TRIM56: variants seen among roughly 807,000 people sequenced by gnomAD.
TRIM56 encodes the protein tripartite motif containing 56.
A neutral mutation model predicts 17.1 loss-of-function variants in TRIM56; 10 were observed. The observed-to-expected ratio is 0.58, with a 90% confidence interval of 0.36 to 0.99. TRIM56 has a LOEUF of 0.99. Among genes scored for constraint, TRIM56 ranks in the 50% least tolerant of loss-of-function variants. TRIM56 has a pLI of 0.01. For missense variants in TRIM56, 923 were observed against 1,052.3 expected (o/e 0.88, Z 1.70); for synonymous variants, 503 against 473.5 (o/e 1.06, Z -0.81).
rs1562840299 is a variant in TRIM56 at position 101,091,872 on chromosome 7, C to T, written c.*2292C>T. The T allele has an allele frequency of 1.5e-5, 5 of 341,010 alleles. No individual in the cohort carries two copies. Among genetic ancestry groups the T allele is most frequent in the South Asian group, 1.1e-4 (5 of 47,082 alleles). The allele number at this position is 341,010 out of a possible 1,614,324, so 21.1% of individuals were successfully genotyped here. Reference sequence around the variant, plus strand: ...GGACTGTACTGCTGCCATCTCGGCTCACTGCAACCTCCCTGCCTGATTCTC... The same window carrying T: ...GGACTGTACTGCTGCCATCTCGGCTTACTGCAACCTCCCTGCCTGATTCTC... On this transcript the variant is annotated 3_prime_UTR_variant, in exon 3 of 3. Transcript: ENST00000306085.
At position 101,088,495 on chromosome 7, in the gene TRIM56, C is replaced by T. The variant is rs80324038; in HGVS notation, c.1183C>T (p.Arg395Trp). 5,030 of 1,613,768 alleles carry T rather than the reference C, an allele frequency of 3.1e-3. 248 individuals carry two copies. The East Asian group carries it at 0.1, about 32-fold the overall frequency. ...GTQGGEESQS[R>W]REDEPKTERQ... is the part of the protein sequence containing the mutation. ...CCAGGGAGGTGAGGAGAGCCAGAGC[C>T]GGAGGGAGGATGAGCCGAAGACTGA... Residue 395 changes from arginine to tryptophan, a missense_variant, in exon 3 of 3, where the codon CGG becomes TGG. By Grantham distance (101) the Arg-to-Trp change is moderately radical. Coordinates refer to ENST00000306085, the MANE Select transcript of TRIM56 (RefSeq NM_030961.3).
Position 101,087,180 on chromosome 7 carries a change from G to T in TRIM56, c.-2+12G>T. ...TCCTGGCCATTCAGGTGAGACCTCA[G>T]GTTCCTTCCCGGCCATTTGGGTCAG... On this transcript the variant is annotated intron_variant, in intron 2 of 2. Coordinates refer to ENST00000306085, the MANE Select transcript of TRIM56 (RefSeq NM_030961.3). The T allele has an allele frequency of 1.2e-6, 1 of 834,228 alleles. No homozygotes were observed. Among genetic ancestry groups the T allele is most frequent in the Non-Finnish European group, 1.9e-6 (1 of 525,696 alleles). The allele number at this position is 834,228 out of a possible 1,614,324, so 51.7% of individuals were successfully genotyped here. A position where few individuals can be genotyped will look rare whatever the true frequency, so the allele number is the denominator to read the frequency against.
chr7:101,089,472 C>A lies in TRIM56; in HGVS notation c.2160C>A (p.His720Gln), dbSNP rs560489358. 1 of 1,614,260 alleles carries A rather than the reference C, an allele frequency of 6.2e-7. No individual in the cohort carries two copies. Among genetic ancestry groups the A allele is most frequent in the Non-Finnish European group, 8.5e-7 (1 of 1,180,050 alleles). ...SLLGDFLTAY[H>Q]GLEKPRVTTM... ...TTGGAGACTTCCTGACAGCCTACCA[C>A]GGCCTGGAAAAGCCCCGGGTTACCA... Residue 720 changes from histidine (H) to glutamine (Q), a missense_variant, in exon 3 of 3, where the codon CAC (histidine) becomes CAA (glutamine). By Grantham distance (24) the His-to-Gln change is conservative. Transcript: ENST00000306085.
chr7:101,092,557 G>C lies in TRIM56; in HGVS notation c.*2977G>C, dbSNP rs1015287783. Reference sequence around the variant, plus strand: ...TGAGGAGCCCCTCCGCCCGGCAGCCGCCCCGTCCGGGAGGGAGGTGGGGGG... The same window carrying C: ...TGAGGAGCCCCTCCGCCCGGCAGCCCCCCCGTCCGGGAGGGAGGTGGGGGG... On this transcript the variant is annotated 3_prime_UTR_variant, in exon 3 of 3. Transcript: ENST00000306085. 1.3e-5 allele frequency: 2 copies of C among 158,614 alleles called. No individual in the cohort carries two copies. Among genetic ancestry groups the C allele is most frequent in the Non-Finnish European group, 2.7e-5 (2 of 74,040 alleles). 9.8% of individuals were successfully genotyped at this position (158,614 alleles called of 1,614,324 possible). A position where few individuals can be genotyped will look rare whatever the true frequency, so the allele number is the denominator to read the frequency against.
In TRIM56 at chr7:101,087,169, G is replaced by C. The variant is rs1014386659; in HGVS notation, c.-2+1G>C. The C allele has an allele frequency of 5.2e-6, 4 of 767,176 alleles. No individual in the cohort carries two copies. In the African/African-American group the frequency reaches 6.9e-5, roughly 13 times the overall value. 47.5% of individuals were successfully genotyped at this position (767,176 alleles called of 1,614,324 possible). On this transcript the variant is annotated splice_donor_variant, in intron 2 of 2. Transcript: ENST00000306085. LOFTEE classifies it low-confidence loss of function (5UTR_SPLICE). ...TAGAAGGAAGTTCCTGGCCATTCAG[G>C]TGAGACCTCAGGTTCCTTCCCGGCC...
chr7:101,087,528 C>G lies in TRIM56; in HGVS notation c.216C>G (p.Ser72=). ...CTGTGCCGCCCGAGGGTGTGGCCTC[C>G]TTCAAGACCAACTTCTTCGTCAATG... ...TVPVPPEGVA[S]FKTNFFVNGL... is the part of the protein sequence containing the mutation. Residue 72 remains serine (S), a synonymous_variant, in exon 3 of 3, where the codon TCC becomes TCG. Transcript: ENST00000306085. 6.2e-7 allele frequency: 1 copy of G among 1,613,316 alleles called. No individual in the cohort carries two copies. Among genetic ancestry groups the G allele is most frequent in the Non-Finnish European group, 8.5e-7 (1 of 1,179,642 alleles).
In TRIM56 at chr7:101,091,204, G is replaced by T. The variant is rs1562839782; in HGVS notation, c.*1624G>T. 6.6e-6 allele frequency: 1 copy of T among 152,398 alleles called. No homozygotes were observed. Among genetic ancestry groups the T allele is most frequent in the Non-Finnish European group, 1.5e-5 (1 of 68,210 alleles). 9.4% of individuals were successfully genotyped at this position (152,398 alleles called of 1,614,324 possible). ...GGCTGTTGAGAGATGGCAGAAGGGG[G>T]TCTTAATGTGGGGACTGTGGACAGT... On this transcript the variant is annotated 3_prime_UTR_variant, in exon 3 of 3. Transcript: ENST00000306085.
chr7:101,087,250 A>C, intron 2 of TRIM56, 62 bp from the exon 3 acceptor site: 2 of 1,472,586 alleles, frequency 1.4e-6, no homozygotes, highest in East Asian at 4.5e-5. Flanking sequence ...GGGCGGTAGA[A>C]GCTAGAGGGT....
chr7:101,085,946 T>C lies in TRIM56; in HGVS notation c.-165+375T>C, dbSNP rs1795439361. Among the ~76,000 whole-genome samples the C allele has an allele frequency of 2.0e-5, 3 of 152,146 alleles. No homozygotes were observed. In the South Asian group the frequency reaches 6.2e-4, roughly 32 times the overall value. ...GCTAAAAGAACAGGACTCCAGGAGA[T>C]AAGCCAAGGCCAAGTCTATCAGAGG... On this transcript the variant is annotated intron_variant, in intron 1 of 2. Transcript: ENST00000306085.
chr7:101,088,010 C>A lies in TRIM56; in HGVS notation c.698C>A (p.Ala233Glu), dbSNP rs775823952. 1.9e-6 allele frequency: 3 copies of A among 1,576,064 alleles called. No homozygotes were observed. Among genetic ancestry groups the A allele is most frequent in the Non-Finnish European group, 2.6e-6 (3 of 1,167,914 alleles). The change falls in exon 3 of 3, where the codon GCG becomes GAG. Residue 233 changes from alanine to glutamate, a missense_variant. This residue lies in a region of TRIM56 where 643 missense variants were observed against 665.6 expected (regional missense o/e 0.97). Transcript: ENST00000306085. ...AATAACCTGGTGGAGCTGGAGGCAG[C>A]GCGGAGGGTGGAGAAGGAGGCGCTA... ...VDNNLVELEA[A>E]RRVEKEALAR... is the part of the protein sequence containing the mutation.
chr7:101,090,684 TAAAATAAATAAATAAA>T lies in TRIM56; in HGVS notation c.*1105_*1120del, dbSNP rs1201972793. 2.5e-5 allele frequency: 2 copies of T among 79,514 alleles called. No homozygotes were observed. The highest frequency in any genetic ancestry group is 5.1e-5 in the Non-Finnish European group (2 of 39,184). 4.9% of individuals were successfully genotyped at this position (79,514 alleles called of 1,614,324 possible). A position where few individuals can be genotyped will look rare whatever the true frequency, so the allele number is the denominator to read the frequency against. On this transcript the variant is annotated 3_prime_UTR_variant, in exon 3 of 3. Transcript: ENST00000306085. Reference sequence around the variant, plus strand: ...TCACTTCTCAGCTAAGATCAAGTGTTAAAATAAATAAATAAATAAATAAATAAATAAATAAATAAAT... The same window carrying T: ...TCACTTCTCAGCTAAGATCAAGTGTTTAAATAAATAAATAAATAAATAAAT...
rs760621906 is a variant in TRIM56, at chr7:101,088,897, C to T, written c.1585C>T (p.Arg529Trp). The stretch of plus-strand genomic sequence containing the variant: ...GATCCTGGTGGCGGATGAGCAGAAC[C>T]GGGCACTGAAACGCTTCTCCCTCAA... ...REILVADEQN[R>W]ALKRFSLNGD... The change falls in exon 3 of 3, where the codon CGG (arginine) becomes TGG (tryptophan). Residue 529 changes from arginine (R) to tryptophan (W), a missense_variant. Physicochemically the swap from Arg to Trp is moderately radical, Grantham distance 101. Around this residue, in one of 3 missense-constraint regions of TRIM56, gnomAD observed 643 missense variants for 665.6 expected, o/e 0.97. Coordinates refer to ENST00000306085, the MANE Select transcript of TRIM56 (RefSeq NM_030961.3). The T allele has an allele frequency of 1.7e-5, 28 of 1,613,766 alleles. No individual in the cohort carries two copies. Among genetic ancestry groups the T allele is most frequent in the South Asian group, 7.7e-5 (7 of 91,090 alleles).
chr7:101,096,878 A>G lies in TRIM56; in HGVS notation c.*7298A>G, dbSNP rs992147930. 3 of 152,242 alleles carry G rather than the reference A, an allele frequency of 2.0e-5. No homozygotes were observed. The highest frequency in any genetic ancestry group is 7.2e-5 in the African/African-American group (3 of 41,456). 9.4% of individuals were successfully genotyped at this position (152,242 alleles called of 1,614,324 possible). Reference sequence around the variant, plus strand: ...GTGACTTCAGGAATAGAAGGGACCAATGGCCAGCTTGCTGAAATGTAATGC... The same window carrying G: ...GTGACTTCAGGAATAGAAGGGACCAGTGGCCAGCTTGCTGAAATGTAATGC... On this transcript the variant is annotated 3_prime_UTR_variant, in exon 3 of 3. Transcript: ENST00000306085.
At position 101,088,285 on chromosome 7, in the gene TRIM56, G is replaced by T; in HGVS notation, c.973G>T (p.Glu325Ter). 1 of 1,521,406 alleles carries T rather than the reference G, an allele frequency of 6.6e-7. No individual in the cohort carries two copies. Among genetic ancestry groups the T allele is most frequent in the Non-Finnish European group, 8.8e-7 (1 of 1,140,192 alleles). The allele number at this position is 1,521,406 out of a possible 1,614,324, so 94.2% of individuals were successfully genotyped here. Reference protein sequence around the residue: ...LGREAEILSLEGAIAQRLRQL... With the variant: ...LGREAEILSL ...GCGAGAGGCCGAGATCCTCTCCCTGGAAGGGGCGATCGCACAGCGGCTCAG... is the reference window on the plus strand; with the variant it reads ...GCGAGAGGCCGAGATCCTCTCCCTGTAAGGGGCGATCGCACAGCGGCTCAG... Residue 325 changes from glutamate to a stop codon, truncating the protein, a stop_gained, in exon 3 of 3, where the codon GAA becomes TAA. Coordinates refer to ENST00000306085, the MANE Select transcript of TRIM56 (RefSeq NM_030961.3). LOFTEE classifies it low-confidence loss of function (END_TRUNC).
Position 101,087,425 on chromosome 7 carries a change from A to G in TRIM56, c.113A>G (p.His38Arg), listed in dbSNP as rs34080055. ...LRAPKTLPCL[H>R]TYCQDCLAQL... ...GCACCCAAGACACTGCCCTGCCTGCATACCTACTGCCAAGACTGCCTGGCA... is the reference window on the plus strand; with the variant it reads ...GCACCCAAGACACTGCCCTGCCTGCGTACCTACTGCCAAGACTGCCTGGCA... Residue 38 changes from histidine (H) to arginine (R), a missense_variant, in exon 3 of 3, where the codon CAT becomes CGT. Around this residue, in one of 3 missense-constraint regions of TRIM56, gnomAD observed 98 missense variants for 143.6 expected, o/e 0.68. Coordinates refer to ENST00000306085, the MANE Select transcript of TRIM56 (RefSeq NM_030961.3). 1 of 1,613,118 alleles carries G rather than the reference A, an allele frequency of 6.2e-7. No homozygotes were observed. Among genetic ancestry groups the G allele is most frequent in the Non-Finnish European group, 8.5e-7 (1 of 1,179,990 alleles).
Position 101,088,436 on chromosome 7 carries a change from C to T in TRIM56, c.1124C>T (p.Pro375Leu), listed in dbSNP as rs1795494878. Residue 375 changes from proline to leucine, a missense_variant, in exon 3 of 3, where the codon CCC (proline) becomes CTC (leucine). Physicochemically the swap from Pro to Leu is moderately conservative, Grantham distance 98. Transcript: ENST00000306085. ...CGGCTGTCCTTTGAGGAGCAGCAGC[C>T]CCAGAAGGATGGTGGGAAAGACGGA... ...LLRLSFEEQQ[P>L]QKDGGKDGAG... The T allele has an allele frequency of 3.1e-6, 5 of 1,613,444 alleles. No individual in the cohort carries two copies. The highest frequency in any genetic ancestry group is 3.4e-6 in the Non-Finnish European group (4 of 1,179,728).
chr7:101,097,850 A>AT lies in TRIM56; in HGVS notation c.*8274dup, dbSNP rs1372753789. The AT allele has an allele frequency of 6.6e-6, 1 of 152,112 alleles. No homozygotes were observed. Among genetic ancestry groups the AT allele is most frequent in the Non-Finnish European group, 1.5e-5 (1 of 68,028 alleles). The allele number at this position is 152,112 out of a possible 1,614,324, so 9.4% of individuals were successfully genotyped here. On this transcript the variant is annotated 3_prime_UTR_variant, in exon 3 of 3. Transcript: ENST00000306085. ...AACTCTTCAGTTCCTTTGGTTATGG[A>AT]TTTTGTATCTTTTCTGTGTTTCTTA...
In TRIM56 at chr7:101,093,610, A is replaced by T. The variant is rs1176705421; in HGVS notation, c.*4030A>T. ...TTTGGGAGGCTGAGGTGGGTGGATC[A>T]CCTGAGGTCAGGAGTTTGAGACCAG... On this transcript the variant is annotated 3_prime_UTR_variant, in exon 3 of 3. Coordinates refer to ENST00000306085, the MANE Select transcript of TRIM56 (RefSeq NM_030961.3). The T allele has an allele frequency of 6.6e-6, 1 of 151,924 alleles. No individual in the cohort carries two copies. Among genetic ancestry groups the T allele is most frequent in the Non-Finnish European group, 1.5e-5 (1 of 67,996 alleles). The allele number at this position is 151,924 out of a possible 1,614,324, so 9.4% of individuals were successfully genotyped here. A position where few individuals can be genotyped will look rare whatever the true frequency, so the allele number is the denominator to read the frequency against.
rs148309415 is a variant in TRIM56, at chr7:101,089,563, C to T, written c.2251C>T (p.Arg751Cys). 3,928 of 1,613,806 alleles carry T rather than the reference C, an allele frequency of 2.4e-3. 6 individuals carry two copies. The highest frequency in any genetic ancestry group is 2.8e-3 in the Non-Finnish European group (3,320 of 1,179,844). Residue 751 changes from arginine (R) to cysteine (C), a missense_variant, in exon 3 of 3, where the codon CGT becomes TGT. Physicochemically the swap from Arg to Cys is radical, Grantham distance 180. Coordinates refer to ENST00000306085, the MANE Select transcript of TRIM56 (RefSeq NM_030961.3). ...SNGTIHIFRV[R>C]SPDS is the part of the protein sequence containing the mutation. Reference sequence around the variant, plus strand: ...CGGGACCATCCACATCTTTCGGGTCCGTTCTCCGGACAGTTAAAGGGGCTA... The same window carrying T: ...CGGGACCATCCACATCTTTCGGGTCTGTTCTCCGGACAGTTAAAGGGGCTA...
Sources: gnomAD v4.1 joint callset for allele counts (sites outside exome capture counted in the v4.1 genomes callset) on GRCh38, gnomAD v4.1.1 for gene constraint, gnomAD v4.1.1 regional missense constraint, MANE v1.5 for transcripts, NCBI Gene and HGNC (gene_info 2026-07-23, HGNC 2026-07-21) for gene names.